Variants in WWOX observed in about 807,000 individuals in gnomAD.
The protein encoded by WWOX is WW domain-containing oxidoreductase.
WWOX carries 69 observed loss-of-function variants against 46.2 expected under a neutral mutation model. The observed-to-expected ratio is 1.49, with a 90% CI of 1.23 to 1.82. The LOEUF is 1.82. WWOX is among the 40% of genes most tolerant of loss of function. The probability of loss-of-function intolerance (pLI) is 0.00; values close to 1 mark genes in which losing one functional copy is unlikely to be tolerated. For synonymous variants in WWOX, 359 were observed against 202.6 expected, an observed-to-expected ratio of 1.77 and a Z score of -6.56; for missense variants, 919 against 542.6, an observed-to-expected ratio of 1.69 and a Z score of -6.89.
At chr16:79,189,944 G>A (rs2051100448) in intron 8 of WWOX, among the ~76,000 whole-genome samples, 2 of 143,812 alleles carry the variant, frequency 1.4e-5, no homozygotes, top group East Asian at 4.5e-4. Flanking sequence ...AGGGGGGGGG[G>A]ATAAAGATAT....
At chr16:78,225,195 T>A (rs990265843) in intron 5 of WWOX, among the ~76,000 whole-genome samples, 1 of 152,228 alleles carries the variant, frequency 6.6e-6, no homozygotes, top group African/African-American at 2.4e-5. Context: ...GCTATGAACC[T>A]GTATAGTATA....
intron 8 of WWOX, among the ~76,000 whole-genome samples, chr16:79,135,279 A>G (rs1034543850): frequency 1.3e-5 from 2 of 152,120 alleles, no homozygotes; most frequent in Admixed American, 1.3e-4. Flanking sequence ...ACACTTGTTA[A>G]TTTACATGTA....
At chr16:78,733,266 G>A (rs145512678) in intron 8 of WWOX, among the ~76,000 whole-genome samples, 2 of 152,118 alleles carry the variant, frequency 1.3e-5, no homozygotes, top group Middle Eastern at 3.4e-3. Context: ...GCCAGCCTGG[G>A]CAACATAGGG....
chr16:78,640,243 T>G (rs1397734612), intron 8 of WWOX, among the ~76,000 whole-genome samples: 1 of 144,976 alleles, frequency 6.9e-6, no homozygotes, highest in Admixed American at 6.9e-5. Flanking sequence ...TTTTTTTTTT[T>G]TTTTTTTTTT....
intron 8 of WWOX, among the ~76,000 whole-genome samples, chr16:78,681,777 G>T (rs368888058): frequency 6.6e-6 from 1 of 152,302 alleles, no homozygotes. Flanking sequence ...ACTCTGTGGC[G>T]TACTATCTAT....
chr16:79,187,530 A>C (rs1485555790), intron 8 of WWOX, among the ~76,000 whole-genome samples: 1 of 152,104 alleles, frequency 6.6e-6, no homozygotes, highest in Admixed American at 6.6e-5. Context: ...CCTCCCAAGT[A>C]GCTGGGACTA....
intron 8 of WWOX, among the ~76,000 whole-genome samples, chr16:78,770,217 G>GGT (rs1423527209): frequency 6.6e-6 from 1 of 152,014 alleles, no homozygotes; most frequent in African/African-American, 2.4e-5. Context: ...CGGGGTTGGT[G>GGT]GTGTGCTCCT....
chr16:78,447,531 T>C (rs1214713407), intron 8 of WWOX, among the ~76,000 whole-genome samples: 1 of 152,216 alleles, frequency 6.6e-6, no homozygotes, highest in East Asian at 1.9e-4. Flanking sequence ...ATATGTGTAA[T>C]TATTCAACTA....
rs75081027 is a variant in WWOX at position 78,556,283 on chromosome 16, A to T, written c.1056+123531A>T. Among the ~76,000 whole-genome samples the T allele has an allele frequency of 7.3e-3, 1,110 of 151,886 alleles. 16 individuals carry two copies. Among genetic ancestry groups the T allele is most frequent in the Non-Finnish European group, 6.5e-3 (443 of 67,964 alleles). ...CTCTAAAAAAAAAAAAAAAGAAAAA[A>T]TCCAACACAGAGACATGGAGACAGT... is the stretch of plus-strand genomic sequence containing the variant. On this transcript the variant is annotated intron_variant, in intron 8 of 8. Transcript: ENST00000566780.
chr16:78,429,188 A>G (rs558656015), intron 7 of WWOX, among the ~76,000 whole-genome samples: 1 of 152,318 alleles, frequency 6.6e-6, no homozygotes, highest in African/African-American at 2.4e-5. Flanking sequence ...TGATCAATTG[A>G]CTTACAGTCT....
At chr16:78,822,674 G>A (rs1328272534) in intron 8 of WWOX, among the ~76,000 whole-genome samples, 1 of 152,176 alleles carries the variant, frequency 6.6e-6, no homozygotes. Context: ...CATGATGAGA[G>A]TTACATTGCT....
intron 1 of WWOX, among the ~76,000 whole-genome samples, chr16:78,107,908 CA>C (rs1265958253): frequency 6.6e-6 from 1 of 152,032 alleles, no homozygotes; most frequent in Non-Finnish European, 1.5e-5. Context: ...AAATACACAG[CA>C]AAATGCCTCT....
intron 5 of WWOX, among the ~76,000 whole-genome samples, chr16:78,226,383 T>G (rs1378871274): frequency 6.6e-6 from 1 of 151,978 alleles, no homozygotes; most frequent in East Asian, 1.9e-4. Flanking sequence ...CAGAAAAACT[T>G]TAATGATTTT....
Position 78,859,001 on chromosome 16 carries a change from T to TAAA in WWOX, c.1057-352582_1057-352580dup, listed in dbSNP as rs542176032. 2.5e-4 allele frequency among the ~76,000 whole-genome samples: 11 copies of TAAA among 44,310 alleles called. 1 individual carries two copies. The highest frequency in any genetic ancestry group is 7.4e-4 in the African/African-American group (10 of 13,540). 29.1% of individuals were successfully genotyped at this position (44,310 alleles called of 152,430 possible). A position where few individuals can be genotyped will look rare whatever the true frequency, so the allele number is the denominator to read the frequency against. ...GCCAATATCTACTAGTTTTGAAATT[T>TAAA]AAAAAAAAAAAAAAAAAAAAAAAAA... On this transcript the variant is annotated intron_variant, in intron 8 of 8. Transcript: ENST00000566780.
chr16:78,600,991 C>T (rs1289839694), intron 8 of WWOX, among the ~76,000 whole-genome samples: 1 of 152,192 alleles, frequency 6.6e-6, no homozygotes, highest in African/African-American at 2.4e-5. Context: ...TGCCATCCCT[C>T]TGTCACTATT....
chr16:78,329,709 CTGTTTTA>C (rs1340268307), intron 5 of WWOX, among the ~76,000 whole-genome samples: 4 of 151,290 alleles, frequency 2.6e-5, no homozygotes, highest in Non-Finnish European at 5.9e-5. Flanking sequence ...ATGGGGAGGT[CTGTTTTA>C]TGTTTTATGT....
Position 78,677,055 on chromosome 16 carries a change from A to C in WWOX, c.1056+244303A>C, listed in dbSNP as rs1013633788. 9.9e-5 allele frequency among the ~76,000 whole-genome samples: 13 copies of C among 131,142 alleles called. 1 individual carries two copies. The highest frequency in any genetic ancestry group is 4.4e-4 in the East Asian group (2 of 4,546). 86.0% of individuals were successfully genotyped at this position (131,142 alleles called of 152,430 possible). A position where few individuals can be genotyped will look rare whatever the true frequency, so the allele number is the denominator to read the frequency against. On this transcript the variant is annotated intron_variant, in intron 8 of 8. Transcript: ENST00000566780. ...AGCAGTTTTTATGAATACCTAGCGTACTTTTTTTTTTTAATGAACCATGAG... is the reference window on the plus strand; with the variant it reads ...AGCAGTTTTTATGAATACCTAGCGTCCTTTTTTTTTTTAATGAACCATGAG...
At chr16:78,757,768 C>T (rs1158699027) in intron 8 of WWOX, among the ~76,000 whole-genome samples, 1 of 151,506 alleles carries the variant, frequency 6.6e-6, no homozygotes, top group African/African-American at 2.4e-5. Flanking sequence ...TTCTGATTGA[C>T]AGATAGCGAC....
intron 8 of WWOX, among the ~76,000 whole-genome samples, chr16:78,438,440 C>G (rs1163282418): frequency 6.7e-6 from 1 of 148,496 alleles, no homozygotes; most frequent in Non-Finnish European, 1.5e-5. Context: ...ATGAATGCTG[C>G]CACCACCGCC....
Sources: allele counts gnomAD v4.1 joint callset (sites outside exome capture counted in the v4.1 genomes callset), GRCh38; gene constraint gnomAD v4.1.1; transcripts MANE v1.5; gene names NCBI Gene and HGNC (gene_info 2026-07-23, HGNC 2026-07-21).